MYOM1: variants seen among roughly 807,000 people sequenced by gnomAD.
MYOM1 encodes the protein myomesin 1.
A neutral mutation model predicts 205.3 loss-of-function variants in MYOM1; 164 were observed. The observed-to-expected ratio is 0.80, with a 90% CI of 0.70 to 0.91. MYOM1 has a LOEUF of 0.91. Ranked by LOEUF, MYOM1 falls within the 40% of genes least tolerant of loss-of-function variation. MYOM1 has a pLI of 0.00. For synonymous variants in MYOM1, 772 were observed against 789.4 expected, an observed-to-expected ratio of 0.98 and a Z score of 0.37; for missense variants, 2,011 against 2,127.3, an observed-to-expected ratio of 0.95 and a Z score of 1.08.
chr18:3,097,299 T>C (rs539712442), intron 25 of MYOM1, among the ~76,000 whole-genome samples: 2 of 152,330 alleles, frequency 1.3e-5, no homozygotes, highest in African/African-American at 2.4e-5. Context: ...ATTGGTCTGA[T>C]AGTGGTAGGG....
chr18:3,237,977 G>T, the MYOM1 span, among the ~76,000 whole-genome samples: 1 of 152,312 alleles, frequency 6.6e-6, no homozygotes, highest in South Asian at 2.1e-4. Context: ...CAGGGACTGG[G>T]GCAGGGGTGG....
chr18:3,177,359 TG>T (rs1212692767), intron 5 of MYOM1, among the ~76,000 whole-genome samples: 2 of 151,960 alleles, frequency 1.3e-5, no homozygotes, highest in Admixed American at 6.6e-5. Flanking sequence ...GGCTTTCTGT[TG>T]GGGGTTTTAT....
chr18:3,115,846 CTG>C (rs1205163893), intron 21 of MYOM1, among the ~76,000 whole-genome samples: 1 of 152,106 alleles, frequency 6.6e-6, no homozygotes, highest in Non-Finnish European at 1.5e-5. Flanking sequence ...CCACTAATCT[CTG>C]AGAGCTCATG....
intron 8 of MYOM1, among the ~76,000 whole-genome samples, chr18:3,171,214 AT>A (rs1378329895): frequency 1.3e-5 from 2 of 152,198 alleles, no homozygotes; most frequent in East Asian, 3.9e-4. Flanking sequence ...GGTAACCCTA[AT>A]CAACAGTGAA....
At position 3,189,532 on chromosome 18, in the gene MYOM1, G is replaced by A. The variant is rs2080876216; in HGVS notation, c.432-445C>T. Reference sequence around the variant, plus strand: ...TGCTACCATGCCTGGCTAATATTTTGTAATTTTAGTAGAGACAGGGTTTCA... The same window carrying A: ...TGCTACCATGCCTGGCTAATATTTTATAATTTTAGTAGAGACAGGGTTTCA... On this transcript the variant is annotated intron_variant, in intron 3 of 37. Coordinates refer to ENST00000356443, the MANE Select transcript of MYOM1 (RefSeq NM_003803.4). The surrounding 1 kb of genome is among the most constrained non-coding windows in gnomAD (Gnocchi z 4.8). Among the ~76,000 whole-genome samples, 2 of 151,886 alleles carry A rather than the reference G, an allele frequency of 1.3e-5. No individual in the cohort carries two copies. The highest frequency in any genetic ancestry group is 2.9e-5 in the Non-Finnish European group (2 of 67,942).
intron 37 of MYOM1, among the ~76,000 whole-genome samples, chr18:3,070,055 TG>T (rs2078942031): frequency 7.9e-5 from 12 of 152,226 alleles, no homozygotes; most frequent in Admixed American, 7.9e-4. Context: ...AGTCACCCAC[TG>T]TATGTCTTCA....
the MYOM1 span, among the ~76,000 whole-genome samples, chr18:3,245,475 G>A: frequency 1.3e-5 from 2 of 152,222 alleles, no homozygotes; most frequent in Non-Finnish European, 2.9e-5. Flanking sequence ...CCAAAGGATA[G>A]AAATATCAGA....
the MYOM1 span, among the ~76,000 whole-genome samples, chr18:3,240,672 G>T: frequency 6.6e-6 from 1 of 152,198 alleles, no homozygotes; most frequent in Non-Finnish European, 1.5e-5. Context: ...CTGCTGAAAA[G>T]ATACCCAAAA....
chr18:3,208,442 G>A (rs544613116), intron 2 of MYOM1, among the ~76,000 whole-genome samples: 2 of 152,310 alleles, frequency 1.3e-5, no homozygotes, highest in East Asian at 3.9e-4. Context: ...GGATCTGCCT[G>A]AGCCCAGGAG....
intron 14 of MYOM1, among the ~76,000 whole-genome samples, chr18:3,140,361 T>G (rs2080030826): frequency 6.6e-6 from 1 of 151,678 alleles, no homozygotes; most frequent in Non-Finnish European, 1.5e-5. Flanking sequence ...GAGCTGAGAT[T>G]GTGCCATTGC....
intron 8 of MYOM1, among the ~76,000 whole-genome samples, chr18:3,172,854 C>A (rs12953451): frequency 0.32 from 48,723 of 152,022 alleles, 7,938 homozygotes; most frequent in African/African-American, 0.36. Flanking sequence ...GGGAGAAGAA[C>A]ATGATTCGGG....
At chr18:3,239,132 T>C in the MYOM1 span, among the ~76,000 whole-genome samples, 1 of 152,198 alleles carries the variant, frequency 6.6e-6, no homozygotes, top group Admixed American at 6.5e-5. Flanking sequence ...ACATACGGGG[T>C]ACATTACAGC....
At chr18:3,176,346 A>G (rs1425044761) in intron 5 of MYOM1, among the ~76,000 whole-genome samples, 1 of 152,192 alleles carries the variant, frequency 6.6e-6, no homozygotes, top group African/African-American at 2.4e-5. Flanking sequence ...CCCCTCCTCT[A>G]TAAACTTACA....
Position 3,129,278 on chromosome 18 carries a change from A to G in MYOM1, c.2748T>C (p.Pro916=). 6.2e-7 allele frequency: 1 copy of G among 1,613,996 alleles called. No individual in the cohort carries two copies. Among genetic ancestry groups the G allele is most frequent in the Non-Finnish European group, 8.5e-7 (1 of 1,179,884 alleles). Residue 916 remains proline, a synonymous_variant, in exon 18 of 38, where the codon CCT becomes CCC. Transcript: ENST00000356443. ...GGGGGTCAGACTTACTTTTCCCCTG[A>G]GGAGCCGCTTTCTGTGGTGGCGGGG... The part of the protein sequence containing the change: ...ELTPPPQKAA[P]QGKSKSDPLK...
In MYOM1 at chr18:3,110,128, TATG is replaced by T. The variant is rs1398841958; in HGVS notation, c.3418+2167_3418+2169del. On this transcript the variant is annotated intron_variant, in intron 22 of 37. Coordinates refer to ENST00000356443, the MANE Select transcript of MYOM1 (RefSeq NM_003803.4). ...CGTTCCTATACATTTTGTAATCTGA[TATG>T]ATAATTCTTTCTCATATAAAGTGTT... 5.3e-5 allele frequency among the ~76,000 whole-genome samples: 8 copies of T among 152,368 alleles called. No homozygotes were observed. In the South Asian group the frequency reaches 6.2e-4, roughly 12 times the overall value.
chr18:3,130,424 TGC>T (rs2079858666), intron 17 of MYOM1, among the ~76,000 whole-genome samples: 2 of 152,244 alleles, frequency 1.3e-5, no homozygotes, highest in South Asian at 4.1e-4. Flanking sequence ...TTAAAAAACA[TGC>T]GTTACTATAT....
At chr18:3,187,233 A>G (rs1200032544) in intron 5 of MYOM1, among the ~76,000 whole-genome samples, 1 of 152,234 alleles carries the variant, frequency 6.6e-6, no homozygotes, top group Non-Finnish European at 1.5e-5. Context: ...ACTTCATATA[A>G]AATAAAGATC....
At position 3,176,092 on chromosome 18, in the gene MYOM1, T is replaced by C. The variant is rs1198174146; in HGVS notation, c.972A>G (p.Gly324=). The change falls in exon 6 of 38, where the codon GGA becomes GGG. Residue 324 remains glycine (G), a synonymous_variant. Transcript: ENST00000356443. Reference sequence around the variant, plus strand: ...CATATCGACTCTCAATAATATACTTTCCAGGGTTTGCATGGACATTTATTG... The same window carrying C: ...CATATCGACTCTCAATAATATACTTCCCAGGGTTTGCATGGACATTTATTG... ...QVPINVHANP[G]KYIIESRYGM... The C allele has an allele frequency of 1.9e-5, 30 of 1,608,828 alleles. No homozygotes were observed. Among genetic ancestry groups the C allele is most frequent in the Non-Finnish European group, 2.1e-5 (25 of 1,175,232 alleles).
chr18:3,079,178 C>A lies in MYOM1; in HGVS notation c.4648+1G>T, dbSNP rs1371964503. The A allele has an allele frequency of 6.2e-7, 1 of 1,613,506 alleles. No homozygotes were observed. The highest frequency in any genetic ancestry group is 2.2e-5 in the East Asian group (1 of 44,876). ...TTTGAATCTGCAAAATATCTGTTTA[C>A]CTTGTCCAGAGAGATCCACTGTCTT... On this transcript the variant is annotated splice_donor_variant, in intron 34 of 37. Coordinates refer to ENST00000356443, the MANE Select transcript of MYOM1 (RefSeq NM_003803.4). LOFTEE classifies it high-confidence loss of function.
Sources: allele counts gnomAD v4.1 joint callset (sites outside exome capture counted in the v4.1 genomes callset), GRCh38; gene constraint gnomAD v4.1.1; non-coding constraint Gnocchi (gnomAD v3.1); transcripts MANE v1.5; gene names NCBI Gene and HGNC (gene_info 2026-07-23, HGNC 2026-07-21).